Variants in PCM1 observed in about 807,000 individuals in gnomAD.
PCM1 encodes pericentriolar material 1, also known as pericentriolar material 1 protein.
PCM1 carries 157 observed loss-of-function variants against 241.9 expected under a neutral mutation model. That is an observed-to-expected ratio of 0.65 (90% confidence interval 0.57 to 0.74). The LOEUF (loss-of-function observed/expected upper bound fraction) is 0.74, where lower values mean the gene tolerates loss of function less well. PCM1 is among the 30% of genes least tolerant of loss of function. PCM1 has a pLI of 0.00. For missense variants in PCM1, 3,478 were observed against 2,360.1 expected (o/e 1.47, Z -9.81); for synonymous variants, 1,085 against 784.9 (o/e 1.38, Z -6.39).
intron 31 of PCM1, 56 bp from the exon 32 acceptor site, chr8:18,010,553 C>A: frequency 7.6e-7 from 1 of 1,323,318 alleles, no homozygotes; most frequent in Non-Finnish European, 1.1e-6. Flanking sequence ...ATGAGAAATG[C>A]TAAATTATGT....
At chr8:17,982,155 G>C (rs970556895) in intron 24 of PCM1, among the ~76,000 whole-genome samples, 1 of 152,154 alleles carries the variant, frequency 6.6e-6, no homozygotes, top group Non-Finnish European at 1.5e-5. Flanking sequence ...GAACTTAGAA[G>C]CTGGGCTTCT....
chr8:17,964,727 T>A lies in PCM1; in HGVS notation c.2814T>A (p.Ser938Arg), dbSNP rs374961501. ...ACTTTTCTGTGTGTCCTTCTAACAGTGTGAATCATAACTCCTACAATGGAA... is the reference window on the plus strand; with the variant it reads ...ACTTTTCTGTGTGTCCTTCTAACAGAGTGAATCATAACTCCTACAATGGAA... ...NDNFSVCPSN[S>R]VNHNSYNGKE... Residue 938 changes from serine to arginine, a missense_variant, in exon 18 of 39, where the codon AGT becomes AGA. Coordinates refer to ENST00000325083, the MANE Select transcript of PCM1 (RefSeq NM_006197.4). 32 of 1,613,630 alleles carry A rather than the reference T, an allele frequency of 2.0e-5. No individual in the cohort carries two copies. Among genetic ancestry groups the A allele is most frequent in the Non-Finnish European group, 2.5e-5 (30 of 1,179,708 alleles).
intron 30 of PCM1, among the ~76,000 whole-genome samples, chr8:18,008,652 AAC>A (rs1450916151): frequency 5.9e-5 from 9 of 152,252 alleles, no homozygotes; most frequent in African/African-American, 2.2e-4. Context: ...GCATAGTTAC[AAC>A]AGTCTAATTA....
At chr8:17,984,727 G>A (rs927309459) in intron 24 of PCM1, among the ~76,000 whole-genome samples, 2 of 151,868 alleles carry the variant, frequency 1.3e-5, no homozygotes, top group Admixed American at 1.3e-4. Flanking sequence ...ATACCTTTGA[G>A]TGTAATAATT....
At chr8:17,953,854 T>C (rs2066997020) in intron 9 of PCM1, among the ~76,000 whole-genome samples, 1 of 152,110 alleles carries the variant, frequency 6.6e-6, no homozygotes, top group Non-Finnish European at 1.5e-5. Context: ...GGCTCAAGCA[T>C]TAGAAATTGA....
chr8:17,998,137 A>G (rs1232964309), intron 29 of PCM1, among the ~76,000 whole-genome samples: 1 of 152,138 alleles, frequency 6.6e-6, no homozygotes, highest in Non-Finnish European at 1.5e-5. Flanking sequence ...GAAAGGTCAC[A>G]TATCTCTCTC....
At chr8:17,949,299 T>C (rs2065097817) in intron 7 of PCM1, among the ~76,000 whole-genome samples, 1 of 152,172 alleles carries the variant, frequency 6.6e-6, no homozygotes, top group African/African-American at 2.4e-5. Flanking sequence ...GGGATAATTA[T>C]GTTACCTCAA....
chr8:17,932,379 T>G (rs964236806), intron 2 of PCM1, among the ~76,000 whole-genome samples: 2 of 152,306 alleles, frequency 1.3e-5, no homozygotes, highest in South Asian at 4.1e-4. Flanking sequence ...AATGTTATAC[T>G]GGTTTATATT....
Position 17,985,976 on chromosome 8 carries a change from T to C in PCM1, c.4299T>C (p.His1433=). 1.9e-6 allele frequency: 3 copies of C among 1,566,040 alleles called. No homozygotes were observed. The highest frequency in any genetic ancestry group is 8.7e-7 in the Non-Finnish European group (1 of 1,143,566). The change falls in exon 26 of 39, where the codon CAT becomes CAC. Residue 1433 remains histidine, a synonymous_variant. Coordinates refer to ENST00000325083, the MANE Select transcript of PCM1 (RefSeq NM_006197.4). ...TTATTTAGGACATAGTATCCAGACATATTTCTGAGAGCCATGAAAAAGGAG... is the reference window on the plus strand; with the variant it reads ...TTATTTAGGACATAGTATCCAGACACATTTCTGAGAGCCATGAAAAAGGAG... ...LYALQDIVSR[H]ISESHEKGEN...
At chr8:17,983,309 T>C (rs2081554557) in intron 24 of PCM1, 5 of 1,313,180 alleles carry the variant, frequency 3.8e-6, no homozygotes, top group Non-Finnish European at 3.0e-6. Flanking sequence ...TGCGTAGTTT[T>C]GGTGTCCACT....
At chr8:17,968,697 T>A (rs762494313) in intron 21 of PCM1, among the ~76,000 whole-genome samples, 2 of 151,260 alleles carry the variant, frequency 1.3e-5, no homozygotes, top group African/African-American at 2.4e-5. Flanking sequence ...TACAGTGTTA[T>A]GCCCAGCAAT....
At chr8:18,018,082 C>T (rs1564421489) in intron 36 of PCM1, among the ~76,000 whole-genome samples, 1 of 152,216 alleles carries the variant, frequency 6.6e-6, no homozygotes, top group African/African-American at 2.4e-5. Context: ...AAATATTTCA[C>T]GTTTCCAATC....
Position 17,976,404 on chromosome 8 carries a change from G to A in PCM1, c.3943+3717G>A, listed in dbSNP as rs555340624. Among the ~76,000 whole-genome samples, 3 of 152,304 alleles carry A rather than the reference G, an allele frequency of 2.0e-5. No individual in the cohort carries two copies. The South Asian group carries it at 6.2e-4, about 32-fold the overall frequency. ...TTAGTCTGCAAATGTACCCTACAAG[G>A]TTGAGGAAGAAAGGTCTCATGTTTC... On this transcript the variant is annotated intron_variant, in intron 23 of 38. Transcript: ENST00000325083.
intron 9 of PCM1, among the ~76,000 whole-genome samples, chr8:17,953,624 A>G (rs777679406): frequency 6.6e-6 from 1 of 152,236 alleles, no homozygotes; most frequent in African/African-American, 2.4e-5. Context: ...AAACTTTTAT[A>G]TATGGTTTAG....
chr8:17,995,441 C>T (rs2086337653), intron 29 of PCM1, among the ~76,000 whole-genome samples: 1 of 151,318 alleles, frequency 6.6e-6, no homozygotes, highest in Admixed American at 6.6e-5. Context: ...TGTTTGTATG[C>T]CAGTACCACG....
intron 26 of PCM1, among the ~76,000 whole-genome samples, chr8:17,988,009 C>T (rs1004058464): frequency 1.3e-5 from 2 of 151,618 alleles, no homozygotes; most frequent in Non-Finnish European, 3.0e-5. Flanking sequence ...TAAGAGATAC[C>T]TCTCTTGCCT....
intron 17 of PCM1, among the ~76,000 whole-genome samples, chr8:17,963,926 A>G (rs1189558293): frequency 2.0e-5 from 3 of 152,172 alleles, no homozygotes; most frequent in Non-Finnish European, 2.9e-5. Flanking sequence ...ATGAACTTCT[A>G]TTCTTGGGGT....
intron 30 of PCM1, 109 bp downstream of exon 30, chr8:18,006,506 A>G: frequency 1.4e-6 from 1 of 699,314 alleles, no homozygotes. Flanking sequence ...TCTGGTGGAC[A>G]TCCAATCTAG....
At chr8:17,932,710 TTTTA>T (rs1325631401) in intron 2 of PCM1, among the ~76,000 whole-genome samples, 2 of 152,108 alleles carry the variant, frequency 1.3e-5, no homozygotes, top group Non-Finnish European at 2.9e-5. Context: ...CTGTTGAACT[TTTTA>T]TTTTTTATTT....
Sources: allele counts gnomAD v4.1 joint callset (sites outside exome capture counted in the v4.1 genomes callset), GRCh38; gene constraint gnomAD v4.1.1; transcripts MANE v1.5; gene names NCBI Gene and HGNC (gene_info 2026-07-23, HGNC 2026-07-21).